The following HERC1 variants were observed in gnomAD, a reference collection of about 807,000 sequenced individuals.
The protein encoded by HERC1 is probable E3 ubiquitin-protein ligase HERC1.
In HERC1, 160 loss-of-function variants were observed where a neutral mutation model predicts 554.3. That is an observed-to-expected ratio of 0.29 (90% CI 0.25 to 0.33). The LOEUF (loss-of-function observed/expected upper bound fraction) is 0.33, where lower values mean the gene tolerates loss of function less well. Among genes scored for constraint, HERC1 ranks in the 10% least tolerant of loss-of-function variants. The pLI is 1.00. For missense variants in HERC1, 4,919 were observed against 5,918.5 expected, an observed-to-expected ratio of 0.83 and a Z score of 5.54; for synonymous variants, 2,175 against 2,131.7, an observed-to-expected ratio of 1.02 and a Z score of -0.56.
At chr15:63,712,716 T>C (rs1241496122) in intron 24 of HERC1, 59 bp downstream of exon 24, 3 of 1,520,826 alleles carry the variant, frequency 2.0e-6, no homozygotes, top group Non-Finnish European at 2.7e-6. Context: ...AACCAAAGCC[T>C]TACATATCAT....
chr15:63,670,153 A>G (rs1024262599), intron 39 of HERC1, among the ~76,000 whole-genome samples: 5 of 152,150 alleles, frequency 3.3e-5, no homozygotes, highest in Non-Finnish European at 5.9e-5. Flanking sequence ...GTAATGGTTT[A>G]CAGGCAAGTT....
In HERC1 at chr15:63,725,657, T is replaced by A; in HGVS notation, c.3347-144A>T. On this transcript the variant is annotated intron_variant, in intron 17 of 77. Coordinates refer to ENST00000443617, the MANE Select transcript of HERC1 (RefSeq NM_003922.4). The stretch of plus-strand genomic sequence containing the variant: ...AACACAAATTATAATACTTTCTGTA[T>A]TTTTTCTCTTTACCAGACTGATTTA... 3 of 645,172 alleles carry A rather than the reference T, an allele frequency of 4.6e-6. No individual in the cohort carries two copies. In the South Asian group the frequency reaches 6.1e-5, roughly 13 times the overall value. The allele number at this position is 645,172 out of a possible 1,614,324, so 40.0% of individuals were successfully genotyped here.
At position 63,739,333 on chromosome 15, in the gene HERC1, G is replaced by C. The variant is rs150134694; in HGVS notation, c.2521-4484C>G. On this transcript the variant is annotated intron_variant, in intron 12 of 77. Coordinates refer to ENST00000443617, the MANE Select transcript of HERC1 (RefSeq NM_003922.4). ...CTGCCTCAGCCTCCCAAGCGGCTAG[G>C]ACTACAAGCACACGCCACAACGCCA... Among the ~76,000 whole-genome samples the C allele has an allele frequency of 5.3e-3, 797 of 151,210 alleles. 9 individuals carry two copies. Among genetic ancestry groups the C allele is most frequent in the African/African-American group, 0.019 (768 of 41,226 alleles).
At chr15:63,686,595 T>C in intron 33 of HERC1, 60 bp from the exon 34 acceptor site, 4 of 1,402,740 alleles carry the variant, frequency 2.9e-6, no homozygotes, top group Non-Finnish European at 2.9e-6. Context: ...ATAAGATATA[T>C]TCTGAGGCTC....
rs1276834995 is a variant in HERC1, at chr15:63,612,750, C to G, written c.14095-194G>C. Among the ~76,000 whole-genome samples, 3 of 152,212 alleles carry G rather than the reference C, an allele frequency of 2.0e-5. No homozygotes were observed. The highest frequency in any genetic ancestry group is 7.2e-5 in the African/African-American group (3 of 41,452). On this transcript the variant is annotated intron_variant, in intron 76 of 77. Coordinates refer to ENST00000443617, the MANE Select transcript of HERC1 (RefSeq NM_003922.4). The surrounding 1 kb of genome is among the most constrained non-coding windows in gnomAD (Gnocchi z 5.0). ...TGCCTCTCAACCCTTGTTAGAGTGC[C>G]TCCCTGCTGTGGGATTCTTACACTC...
In HERC1 at chr15:63,612,431, T is replaced by G. The variant is rs2067641347; in HGVS notation, c.14220A>C (p.Lys4740Asn). ...CATCCACCTCACGGTACCGCACCAC[T>G]TTCTTCAAGACTTCCACAGAGATCT... is the stretch of plus-strand genomic sequence containing the variant. Reference protein sequence around the residue: ...MPEISVEVLKKVVRYREVDEQ... With the variant: ...MPEISVEVLKNVVRYREVDEQ... Residue 4740 changes from lysine to asparagine, a missense_variant, in exon 77 of 78, where the codon AAA (lysine) becomes AAC (asparagine). By Grantham distance (94) the Lys-to-Asn change is moderately conservative. This residue lies in a region of HERC1 where 284 missense variants were observed against 294.1 expected (regional missense o/e 0.97). Transcript: ENST00000443617. This position sits in a 1 kb window ranked among gnomAD's most constrained non-coding sequence, Gnocchi z 5.0. 3 of 1,613,894 alleles carry G rather than the reference T, an allele frequency of 1.9e-6. No homozygotes were observed. The African/African-American group carries it at 4.0e-5, about 22-fold the overall frequency.
Position 63,727,526 on chromosome 15 carries a change from G to A in HERC1, c.3346+121C>T, listed in dbSNP as rs1039848011. ...AATTTGAAAAGCTTTTAAGATTTCA[G>A]TGATGAAATTCCTTTGATAGCCTTA... On this transcript the variant is annotated intron_variant, in intron 17 of 77. Transcript: ENST00000443617. This position sits in a 1 kb window ranked among gnomAD's most constrained non-coding sequence, Gnocchi z 4.3. 2.2e-5 allele frequency: 14 copies of A among 628,368 alleles called. No individual in the cohort carries two copies. The highest frequency in any genetic ancestry group is 3.7e-5 in the Non-Finnish European group (14 of 374,234). The allele number at this position is 628,368 out of a possible 1,614,324, so 38.9% of individuals were successfully genotyped here.
At chr15:63,688,127 A>G (rs1214241608) in intron 33 of HERC1, among the ~76,000 whole-genome samples, 1 of 152,228 alleles carries the variant, frequency 6.6e-6, no homozygotes, top group Non-Finnish European at 1.5e-5. Context: ...AACACTTAGA[A>G]GGTTACTGCA....
intron 2 of HERC1, among the ~76,000 whole-genome samples, chr15:63,767,210 C>T (rs2075809194): frequency 6.7e-6 from 1 of 148,326 alleles, no homozygotes; most frequent in Non-Finnish European, 1.5e-5. Flanking sequence ...ACCATGTTGG[C>T]CACACTGCTC....
At position 63,677,799 on chromosome 15, in the gene HERC1, A is replaced by C; in HGVS notation, c.7070+46T>G. 1 of 1,568,354 alleles carries C rather than the reference A, an allele frequency of 6.4e-7. No homozygotes were observed. Among genetic ancestry groups the C allele is most frequent in the South Asian group, 1.2e-5 (1 of 83,298 alleles). ...CTGTCGACAGGCAATGGCCTATTTCACCATTAAATATTTGTTTGCTAAAAG... is the reference window on the plus strand; with the variant it reads ...CTGTCGACAGGCAATGGCCTATTTCCCCATTAAATATTTGTTTGCTAAAAG... On this transcript the variant is annotated intron_variant, in intron 37 of 77. Coordinates refer to ENST00000443617, the MANE Select transcript of HERC1 (RefSeq NM_003922.4). This position sits in a 1 kb window ranked among gnomAD's most constrained non-coding sequence, Gnocchi z 4.4.
At chr15:63,829,561 G>A (rs4776937) in intron 1 of HERC1, among the ~76,000 whole-genome samples, 12,126 of 79,448 alleles carry the variant, frequency 0.15, 944 homozygotes, top group Middle Eastern at 0.22. Flanking sequence ...GTGTGTGTGT[G>A]TATATATATA....
At chr15:63,675,207 C>T (rs565432433) in intron 37 of HERC1, 90 bp from the exon 38 acceptor site, 2 of 1,023,824 alleles carry the variant, frequency 2.0e-6, no homozygotes, top group Non-Finnish European at 2.9e-6. Flanking sequence ...AAATAAGGTG[C>T]ATCATGTACA....
At chr15:63,696,430 A>G (rs138861642) in intron 26 of HERC1, 91 bp from the exon 27 acceptor site, 2 of 791,738 alleles carry the variant, frequency 2.5e-6, no homozygotes, top group African/African-American at 3.5e-5. Context: ...AACACTTAGA[A>G]AATTCTGACA....
intron 56 of HERC1, 96 bp from the exon 57 acceptor site, chr15:63,645,193 T>G: frequency 2.2e-6 from 2 of 914,510 alleles, no homozygotes; most frequent in Non-Finnish European, 3.5e-6. Flanking sequence ...ATAGAACCAC[T>G]GCATTATTTT....
chr15:63,750,868 T>A (rs955287519), intron 8 of HERC1, among the ~76,000 whole-genome samples: 1 of 152,152 alleles, frequency 6.6e-6, no homozygotes, highest in African/African-American at 2.4e-5. Flanking sequence ...AGGAGGTAGG[T>A]CAAGGCTGCA....
At chr15:63,707,951 A>AAAAG (rs1555425271) in intron 24 of HERC1, among the ~76,000 whole-genome samples, 23 of 149,516 alleles carry the variant, frequency 1.5e-4, no homozygotes, top group African/African-American at 5.0e-4. Flanking sequence ...AAAAAAAAAA[A>AAAAG]AAGAAGAAGT....
intron 3 of HERC1, among the ~76,000 whole-genome samples, chr15:63,759,152 G>A (rs2075526898): frequency 6.6e-6 from 1 of 151,570 alleles, no homozygotes; most frequent in Non-Finnish European, 1.5e-5. Flanking sequence ...AATGGGACTC[G>A]GAATTCAAAA....
intron 26 of HERC1, among the ~76,000 whole-genome samples, chr15:63,697,450 ATT>A (rs35244420): frequency 0.023 from 2,448 of 108,498 alleles, 26 homozygotes; most frequent in African/African-American, 0.064. Flanking sequence ...GTTAATCTTG[ATT>A]TTTTTTTTTT....
chr15:63,663,624 G>A (rs541072785), intron 43 of HERC1, among the ~76,000 whole-genome samples: 5 of 152,118 alleles, frequency 3.3e-5, no homozygotes, highest in South Asian at 2.1e-4. Context: ...CCAGCTAACC[G>A]TTTTTTAATT....
Sources: allele counts gnomAD v4.1 joint callset (sites outside exome capture counted in the v4.1 genomes callset), GRCh38; gene constraint gnomAD v4.1.1; regional missense constraint gnomAD v4.1.1; non-coding constraint Gnocchi (gnomAD v3.1); transcripts MANE v1.5; gene names NCBI Gene and HGNC (gene_info 2026-07-23, HGNC 2026-07-21).